Variants in ARMCX4 observed in about 807,000 individuals in gnomAD.
The protein encoded by ARMCX4 is armadillo repeat containing X-linked 4.
A neutral mutation model predicts 34.7 loss-of-function variants in ARMCX4; 3 were observed. The observed-to-expected ratio is 0.09, with a 90% confidence interval of 0.04 to 0.22. The LOEUF (loss-of-function observed/expected upper bound fraction) is 0.22, where lower values mean the gene tolerates loss of function less well. ARMCX4 is among the 10% of genes least tolerant of loss of function. The pLI is 1.00. For missense variants in ARMCX4, 1,448 were observed against 1,720.8 expected (o/e 0.84, Z 2.81); for synonymous variants, 513 against 632.8 (o/e 0.81, Z 2.84).
chrX:101,466,821 C>T (rs1202172176), intron 4 of ARMCX4, among the ~76,000 whole-genome samples: 1 of 111,827 alleles, frequency 8.9e-6, no homozygotes, highest in Non-Finnish European at 1.9e-5. Flanking sequence ...CTTGCCAGAA[C>T]TCATAGAACT....
chrX:101,485,479 C>G lies in ARMCX4; in HGVS notation c.-488C>G. Reference sequence around the variant, plus strand: ...TCACTCGCATCTGGCTACCAGCTCCCCGCTGCCCTGCGCTCGGCGGGCTGG... The same window carrying G: ...TCACTCGCATCTGGCTACCAGCTCCGCGCTGCCCTGCGCTCGGCGGGCTGG... On this transcript the variant is annotated 5_prime_UTR_variant, in exon 1 of 6. Coordinates refer to ENST00000423738, the MANE Select transcript of ARMCX4 (RefSeq NM_001256155.3). 1 of 702,176 alleles carries G rather than the reference C, an allele frequency of 1.4e-6. No individual in the cohort carries two copies. Among genetic ancestry groups the G allele is most frequent in the Non-Finnish European group, 1.7e-6 (1 of 591,365 alleles). 57.9% of individuals were successfully genotyped at this position (702,176 alleles called of 1,213,427 possible).
At position 101,526,462 on chromosome X, in the gene ARMCX4, G is replaced by A. The variant is rs781811941; in HGVS notation, c.*1781-5182G>A. ...ATAACCAGCTAACGTCATAATGACA[G>A]GATCAAATTCACACATAACAATATT... is the stretch of plus-strand genomic sequence containing the variant. On this transcript the variant is annotated intron_variant and NMD_transcript_variant, in intron 11 of 12. Transcript: ENST00000354842. Among the ~76,000 whole-genome samples the A allele has an allele frequency of 7.1e-3, 798 of 111,954 alleles. 8 individuals carry two copies. The highest frequency in any genetic ancestry group is 0.025 in the African/African-American group (764 of 30,761).
At chrX:101,531,311 T>C (rs1003826279) in intron 11 of ARMCX4, among the ~76,000 whole-genome samples, 1 of 112,138 alleles carries the variant, frequency 8.9e-6, no homozygotes, top group South Asian at 3.8e-4. Context: ...GGTAACATAT[T>C]CACAGGTTCC....
chrX:101,434,526 G>A (rs781827468), intron 2 of ARMCX4, among the ~76,000 whole-genome samples: 4 of 111,432 alleles, frequency 3.6e-5, no homozygotes, highest in Admixed American at 9.6e-5. Flanking sequence ...AATTATAGGC[G>A]TGAGCCACTG....
chrX:101,486,654 C>G (rs964776707), intron 2 of ARMCX4, among the ~76,000 whole-genome samples: 2 of 111,334 alleles, frequency 1.8e-5, no homozygotes, highest in African/African-American at 6.5e-5. Flanking sequence ...CTTGTTGGGC[C>G]TAGTAGCTCT....
At chrX:101,504,625 G>A (rs984952003) in intron 7 of ARMCX4, among the ~76,000 whole-genome samples, 27 of 110,794 alleles carry the variant, frequency 2.4e-4, no homozygotes, top group Non-Finnish European at 4.9e-4. Context: ...GTCAGTTCTG[G>A]GTCTGACTCT....
chrX:101,488,366 G>T (rs1246699524), intron 5 of ARMCX4, 78 bp from the exon 6 acceptor site: 4 of 929,004 alleles, frequency 4.3e-6, no homozygotes, highest in Non-Finnish European at 5.7e-6. Flanking sequence ...ACCATTTTCT[G>T]TTCCTCTGTG....
At chrX:101,425,856 T>C (rs1403758463) in intron 2 of ARMCX4, among the ~76,000 whole-genome samples, 1 of 111,385 alleles carries the variant, frequency 9.0e-6, no homozygotes, top group East Asian at 2.8e-4. Context: ...GGTCTCACGC[T>C]GTTGCCCAGG....
chrX:101,445,410 T>C (rs1481221205), intron 3 of ARMCX4, among the ~76,000 whole-genome samples: 1 of 111,747 alleles, frequency 8.9e-6, no homozygotes, highest in Non-Finnish European at 1.9e-5. Flanking sequence ...TGCTTTAGCA[T>C]GCTAGGGTTG....
rs1156582627 is a variant in ARMCX4 at position 101,477,430 on chromosome X, C to CAAAAAAAAA, written c.-472-8566_-472-8558dup. Among the ~76,000 whole-genome samples, 7 of 12,494 alleles carry CAAAAAAAAA rather than the reference C, an allele frequency of 5.6e-4. 1 individual carries two copies. Among genetic ancestry groups the CAAAAAAAAA allele is most frequent in the Non-Finnish European group, 6.4e-4 (5 of 7,793 alleles). The allele number at this position is 12,494 out of a possible 115,157, so 10.8% of individuals were successfully genotyped here. A position where few individuals can be genotyped will look rare whatever the true frequency, so the allele number is the denominator to read the frequency against. On this transcript the variant is annotated intron_variant and NMD_transcript_variant, in intron 4 of 15. Transcript: ENST00000433011. Reference sequence around the variant, plus strand: ...TGGGTGACAGAGCGAGACTCTGTCTCAAAAAAAAAAAAAAAAAAAAAAAAA... The same window carrying CAAAAAAAAA: ...TGGGTGACAGAGCGAGACTCTGTCTCAAAAAAAAAAAAAAAAAAAAAAAAAAAAAAAAAA...
chrX:101,504,281 G>A (rs1417209264), intron 7 of ARMCX4, among the ~76,000 whole-genome samples: 1 of 111,286 alleles, frequency 9.0e-6, no homozygotes, highest in Non-Finnish European at 1.9e-5. Context: ...CTCTTTTTTG[G>A]TTCCATATGA....
At chrX:101,468,202 G>A (rs1168309584) in intron 4 of ARMCX4, among the ~76,000 whole-genome samples, 1 of 111,199 alleles carries the variant, frequency 9.0e-6, no homozygotes, top group African/African-American at 3.3e-5. Flanking sequence ...AAAAATCAGA[G>A]TCCTATCTTA....
At chrX:101,477,784 TA>T (rs1174507942) in intron 4 of ARMCX4, among the ~76,000 whole-genome samples, 1 of 111,450 alleles carries the variant, frequency 9.0e-6, no homozygotes, top group African/African-American at 3.3e-5. Flanking sequence ...AGCAGTTTAT[TA>T]AAAAAAATTG....
In ARMCX4 at chrX:101,432,198, C is replaced by T. The variant is rs782354027; in HGVS notation, n.165-11854C>T. On this transcript the variant is annotated intron_variant and non_coding_transcript_variant, in intron 2 of 3. Coordinates refer to the ARMCX4 transcript ENST00000430461. Reference sequence around the variant, plus strand: ...GCAGGTTCACTGAATGACAACTTAGCCTTGAAGCCCTCTATGACCACTCTT... The same window carrying T: ...GCAGGTTCACTGAATGACAACTTAGTCTTGAAGCCCTCTATGACCACTCTT... Among the ~76,000 whole-genome samples the T allele has an allele frequency of 6.3e-5, 7 of 111,685 alleles. No individual in the cohort carries two copies. The East Asian group carries it at 2.0e-3, about 32-fold the overall frequency.
chrX:101,462,695 A>C (rs782510425), intron 4 of ARMCX4, among the ~76,000 whole-genome samples: 17 of 110,262 alleles, frequency 1.5e-4, no homozygotes, highest in Admixed American at 1.3e-3. Flanking sequence ...TAACCCCCCC[A>C]AAAATTAGAT....
chrX:101,480,403 A>G (rs1933396203), intron 4 of ARMCX4, among the ~76,000 whole-genome samples: 2 of 110,395 alleles, frequency 1.8e-5, no homozygotes, highest in Non-Finnish European at 3.8e-5. Flanking sequence ...CCCTGTCTCT[A>G]CAAAACATAA....
At chrX:101,480,578 T>G (rs782797648), upstream of ARMCX4, among the ~76,000 whole-genome samples, 26 of 110,787 alleles carry the variant, frequency 2.3e-4, no homozygotes, top group Non-Finnish European at 4.4e-4. Flanking sequence ...AAAGTAAAAA[T>G]TCTGAATATC....
chrX:101,433,075 CAT>C (rs781795747), intron 2 of ARMCX4, among the ~76,000 whole-genome samples: 11 of 109,199 alleles, frequency 1.0e-4, no homozygotes, highest in Non-Finnish European at 1.5e-4. Context: ...TATATATACA[CAT>C]ATGTATACAT....
At chrX:101,442,094 T>C (rs1013447417) in intron 2 of ARMCX4, among the ~76,000 whole-genome samples, 1 of 112,547 alleles carries the variant, frequency 8.9e-6, no homozygotes, top group African/African-American at 3.2e-5. Context: ...CAATCCTATG[T>C]GTAAGCATGG....
Sources: gnomAD v4.1 joint callset for allele counts (sites outside exome capture counted in the v4.1 genomes callset) on GRCh38, gnomAD v4.1.1 for gene constraint, MANE v1.5 for transcripts, NCBI Gene and HGNC (gene_info 2026-07-23, HGNC 2026-07-21) for gene names.